COL28A1: variants seen among roughly 807,000 people sequenced by gnomAD.
The protein encoded by COL28A1 is collagen type XXVIII alpha 1 chain, also known as collagen alpha-1(XXVIII) chain.
In COL28A1, 161 loss-of-function variants were observed where a neutral mutation model predicts 150.2. The observed-to-expected ratio is 1.07, with a 90% CI of 0.94 to 1.22. COL28A1 has a LOEUF of 1.22. Ranked by LOEUF, COL28A1 falls within the 50% of genes most tolerant of loss-of-function variation. COL28A1 has a pLI of 0.00. For missense variants in COL28A1, 1,617 were observed against 1,388.3 expected (o/e 1.16, Z -2.62); for synonymous variants, 552 against 469.7 (o/e 1.18, Z -2.26).
intron 30 of COL28A1, among the ~76,000 whole-genome samples, chr7:7,379,854 G>A (rs182844972): frequency 6.6e-6 from 1 of 152,204 alleles, no homozygotes; most frequent in East Asian, 1.9e-4. Flanking sequence ...ACTTGTGGTG[G>A]GGAACAACAA....
chr7:7,510,274 T>TATTGATTG (rs112747472), intron 9 of COL28A1, among the ~76,000 whole-genome samples: 50 of 152,046 alleles, frequency 3.3e-4, no homozygotes, highest in African/African-American at 5.6e-4. Flanking sequence ...GTGCTTTCAT[T>TATTGATTG]ATTGATTGAT....
At chr7:7,350,681 G>A in the COL28A1 span, among the ~76,000 whole-genome samples, 9 of 112,786 alleles carry the variant, frequency 8.0e-5, no homozygotes, top group South Asian at 2.8e-4. Context: ...TTTTAAAACC[G>A]CTGAAGGCAA....
chr7:7,412,402 T>C (rs1196671089), intron 27 of COL28A1, among the ~76,000 whole-genome samples: 6 of 152,150 alleles, frequency 3.9e-5, no homozygotes, highest in African/African-American at 1.2e-4. Flanking sequence ...GGGTGTCTGT[T>C]TGGTATTGGA....
chr7:7,366,657 G>A (rs1780946368), intron 33 of COL28A1, among the ~76,000 whole-genome samples: 1 of 151,950 alleles, frequency 6.6e-6, no homozygotes, highest in South Asian at 2.1e-4. Context: ...TTTATTTTTC[G>A]CTAAGAACAT....
chr7:7,379,479 C>A (rs1781744644), intron 30 of COL28A1, among the ~76,000 whole-genome samples: 1 of 152,156 alleles, frequency 6.6e-6, no homozygotes, highest in Non-Finnish European at 1.5e-5. Flanking sequence ...GAGACCACAT[C>A]TTCTATCATA....
chr7:7,433,106 A>G (rs1348497514), intron 23 of COL28A1, among the ~76,000 whole-genome samples: 3 of 152,194 alleles, frequency 2.0e-5, no homozygotes, highest in African/African-American at 7.2e-5. Context: ...TGTGACTCAT[A>G]TCTTGAGACC....
intron 15 of COL28A1, among the ~76,000 whole-genome samples, chr7:7,464,665 T>C (rs1304661521): frequency 1.3e-5 from 2 of 152,192 alleles, no homozygotes; most frequent in Admixed American, 6.5e-5. Context: ...GCAAAGGCAG[T>C]GCTAAGAGGA....
chr7:7,374,216 C>T (rs1015752483), intron 31 of COL28A1, among the ~76,000 whole-genome samples: 3 of 152,130 alleles, frequency 2.0e-5, no homozygotes, highest in Admixed American at 2.0e-4. Flanking sequence ...CACCATCTGA[C>T]ATTTGCTCTT....
intron 4 of COL28A1, 31 bp from the exon 5 acceptor site, chr7:7,521,992 C>A (rs372133798): frequency 1.6e-5 from 14 of 882,408 alleles, no homozygotes; most frequent in South Asian, 5.2e-5. Context: ...GATATTAACA[C>A]ACAGTGAAAT....
chr7:7,457,170 G>T (rs929752001), intron 15 of COL28A1, among the ~76,000 whole-genome samples: 3 of 152,190 alleles, frequency 2.0e-5, no homozygotes, highest in Admixed American at 6.5e-5. Context: ...TATCCTCTGA[G>T]TAAGTTAGGA....
chr7:7,363,493 G>A (rs17166924), intron 33 of COL28A1, among the ~76,000 whole-genome samples: 8,608 of 151,930 alleles, frequency 0.057, 827 homozygotes, highest in African/African-American at 0.2. Flanking sequence ...TAATTATTAC[G>A]GCTTGCTATT....
the COL28A1 span, among the ~76,000 whole-genome samples, chr7:7,346,488 T>G: frequency 6.6e-6 from 1 of 152,022 alleles, no homozygotes; most frequent in Non-Finnish European, 1.5e-5. Context: ...AATACAATGT[T>G]GTTTGAATTA....
chr7:7,417,105 T>C (rs1209070550), intron 27 of COL28A1, among the ~76,000 whole-genome samples: 1 of 151,986 alleles, frequency 6.6e-6, no homozygotes, highest in Non-Finnish European at 1.5e-5. Flanking sequence ...CATCAACATA[T>C]TAGAAGCAGA....
At chr7:7,497,989 T>C (rs1368785845) in intron 11 of COL28A1, among the ~76,000 whole-genome samples, 1 of 152,184 alleles carries the variant, frequency 6.6e-6, no homozygotes, top group Non-Finnish European at 1.5e-5. Context: ...CTCTACGTAC[T>C]TGTGCTTTCT....
chr7:7,530,197 A>G (rs1277637814), intron 3 of COL28A1, among the ~76,000 whole-genome samples: 1 of 152,248 alleles, frequency 6.6e-6, no homozygotes, highest in Non-Finnish European at 1.5e-5. Flanking sequence ...AAATGGGTAT[A>G]ATAACATTAC....
At chr7:7,466,580 C>A (rs1364249894) in intron 15 of COL28A1, among the ~76,000 whole-genome samples, 1 of 89,588 alleles carries the variant, frequency 1.1e-5, no homozygotes, top group South Asian at 3.8e-4. Context: ...GGCAGGCCAA[C>A]GTTCAGATTC....
intron 11 of COL28A1, among the ~76,000 whole-genome samples, chr7:7,497,438 T>C (rs1347903203): frequency 2.0e-5 from 3 of 152,158 alleles, no homozygotes; most frequent in African/African-American, 7.2e-5. Flanking sequence ...GATGAAAAGA[T>C]TGAGTCATAG....
At chr7:7,475,814 G>C (rs189241932) in intron 14 of COL28A1, among the ~76,000 whole-genome samples, 131 of 152,270 alleles carry the variant, frequency 8.6e-4, no homozygotes, top group African/African-American at 3.0e-3. Context: ...ATGCCAAGTT[G>C]CTGACCTGTC....
chr7:7,513,436 G>A (rs538508542), intron 8 of COL28A1, among the ~76,000 whole-genome samples: 14 of 152,318 alleles, frequency 9.2e-5, no homozygotes, highest in African/African-American at 2.9e-4. Flanking sequence ...GGCTCTTGCA[G>A]GCATCAGGAG....
Sources: gnomAD v4.1 joint callset for allele counts (sites outside exome capture counted in the v4.1 genomes callset) on GRCh38, gnomAD v4.1.1 for gene constraint, MANE v1.5 for transcripts, NCBI Gene and HGNC (gene_info 2026-07-23, HGNC 2026-07-21) for gene names.